The following PWP1 variants were observed in gnomAD, a reference collection of about 807,000 sequenced individuals.
PWP1 encodes PWP1 homolog, endonuclein, also known as periodic tryptophan protein 1 homolog.
A neutral mutation model predicts 69.9 loss-of-function variants in PWP1; 47 were observed. The observed-to-expected ratio is 0.67, with a 90% CI of 0.53 to 0.86. PWP1 has a LOEUF of 0.86. Ranked by LOEUF, PWP1 falls within the 40% of genes least tolerant of loss-of-function variation. PWP1 has a pLI of 0.00. For missense variants in PWP1, 551 were observed against 608.8 expected (o/e 0.91, Z 1.00); for synonymous variants, 222 against 208.2 (o/e 1.07, Z -0.57).
intron 1 of PWP1, among the ~76,000 whole-genome samples, chr12:107,687,409 A>G (rs1158433468): frequency 6.6e-6 from 1 of 152,218 alleles, no homozygotes; most frequent in East Asian, 1.9e-4. Context: ...ACACTTGGGG[A>G]GGTTCAAAAA....
In PWP1 at chr12:107,689,178, G is replaced by A. The variant is rs142377319; in HGVS notation, c.319+376G>A. 5.9e-3 allele frequency among the ~76,000 whole-genome samples: 895 copies of A among 152,164 alleles called. 13 individuals carry two copies. The highest frequency in any genetic ancestry group is 0.02 in the African/African-American group (821 of 41,532). On this transcript the variant is annotated intron_variant, in intron 3 of 14. Coordinates refer to ENST00000412830, the MANE Select transcript of PWP1 (RefSeq NM_007062.3). ...AATACAGTAGTCCCCCCTTATCCAC[G>A]GTTTTGCTTTCTTCGGTTTCAGTTA...
chr12:107,695,045 G>GGAGAT (rs1889555656), intron 5 of PWP1, among the ~76,000 whole-genome samples: 3 of 151,466 alleles, frequency 2.0e-5, no homozygotes. Flanking sequence ...CACGAGTTCA[G>GGAGAT]GAGATCGAGA....
chr12:107,703,637 GA>G, intron 9 of PWP1, 47 bp from the exon 10 acceptor site: 5 of 1,510,000 alleles, frequency 3.3e-6, no homozygotes, highest in Non-Finnish European at 4.6e-6. Flanking sequence ...GTAATTTTAC[GA>G]AAAGCAAACC....
intron 5 of PWP1, among the ~76,000 whole-genome samples, chr12:107,694,563 T>G (rs1361742422): frequency 1.3e-5 from 2 of 152,248 alleles, no homozygotes; most frequent in Non-Finnish European, 2.9e-5. Flanking sequence ...GCAGGCACTT[T>G]AATGTGAAAT....
intron 13 of PWP1, 151 bp from the exon 14 acceptor site, chr12:107,710,254 G>A: frequency 7.8e-7 from 1 of 1,280,328 alleles, no homozygotes; most frequent in Non-Finnish European, 1.0e-6. Flanking sequence ...ACTTGACTCT[G>A]AGCTACCTTT....
intron 5 of PWP1, among the ~76,000 whole-genome samples, chr12:107,694,704 C>A (rs969220597): frequency 6.6e-6 from 1 of 152,024 alleles, no homozygotes; most frequent in Admixed American, 6.6e-5. Context: ...TTGTCATCAT[C>A]GATTTTTTTA....
intron 11 of PWP1, 27 bp downstream of exon 11, chr12:107,704,774 C>T (rs536314126): frequency 6.3e-7 from 1 of 1,576,636 alleles, no homozygotes; most frequent in South Asian, 1.1e-5. Context: ...TGTTGTTTTG[C>T]TTTTCTAGGT....
intron 11 of PWP1, among the ~76,000 whole-genome samples, chr12:107,706,639 C>T (rs1889830151): frequency 6.6e-6 from 1 of 152,166 alleles, no homozygotes; most frequent in Admixed American, 6.5e-5. Flanking sequence ...TTTCCCAGCA[C>T]CATTTATTAA....
At chr12:107,710,899 T>G (rs1022620347) in intron 14 of PWP1, among the ~76,000 whole-genome samples, 10 of 152,212 alleles carry the variant, frequency 6.6e-5, no homozygotes, top group African/African-American at 2.4e-4. Context: ...CTTCACACTT[T>G]TAAGTGTAGA....
chr12:107,686,142 G>C (rs1889359821), intron 1 of PWP1, 171 bp downstream of exon 1: 2 of 698,516 alleles, frequency 2.9e-6, no homozygotes, highest in East Asian at 2.7e-5. Flanking sequence ...CAGAAGGTCT[G>C]GTTCGCCTGA....
intron 5 of PWP1, among the ~76,000 whole-genome samples, chr12:107,693,968 A>G (rs145343270): frequency 5.3e-5 from 8 of 152,226 alleles, no homozygotes; most frequent in Admixed American, 2.0e-4. Context: ...GAACCAAAAC[A>G]TCGTGATCAC....
rs1483290645 is a variant in PWP1 at position 107,712,718 on chromosome 12, T to TTGA, written c.*500_*502dup. Reference sequence around the variant, plus strand: ...GTATTCTCAGTGCAACTCGTAGAGTTTGATAAGTAAAAGTTACATGCCCCT... The same window carrying TTGA: ...GTATTCTCAGTGCAACTCGTAGAGTTTGATGATAAGTAAAAGTTACATGCCCCT... On this transcript the variant is annotated 3_prime_UTR_variant, in exon 15 of 15. Coordinates refer to ENST00000412830, the MANE Select transcript of PWP1 (RefSeq NM_007062.3). The TTGA allele has an allele frequency of 2.0e-5, 3 of 152,686 alleles. No individual in the cohort carries two copies. The highest frequency in any genetic ancestry group is 4.8e-5 in the African/African-American group (2 of 41,470). The allele number at this position is 152,686 out of a possible 1,614,324, so 9.5% of individuals were successfully genotyped here.
rs1205286082 is a variant in PWP1 at position 107,685,860 on chromosome 12, A to C, written c.-40A>C. On this transcript the variant is annotated 5_prime_UTR_variant, in exon 1 of 15. Coordinates refer to ENST00000412830, the MANE Select transcript of PWP1 (RefSeq NM_007062.3). ...GTGCGGTCGTGGTCCCTCCCTATGC[A>C]GCCTGGTTTCTAGCGTGACACGCCC... is the stretch of plus-strand genomic sequence containing the variant. The C allele has an allele frequency of 6.2e-6, 10 of 1,610,686 alleles. No homozygotes were observed. Among genetic ancestry groups the C allele is most frequent in the Non-Finnish European group, 7.6e-6 (9 of 1,177,448 alleles).
intron 5 of PWP1, 68 bp downstream of exon 5, chr12:107,693,164 AT>A (rs1356536961): frequency 6.6e-7 from 1 of 1,526,222 alleles, no homozygotes; most frequent in Non-Finnish European, 8.8e-7. Context: ...AATAGTTACC[AT>A]TTCATTTTTA....
intron 1 of PWP1, chr12:107,686,225 G>A (rs1034485486): frequency 1.1e-5 from 6 of 561,488 alleles, no homozygotes; most frequent in African/African-American, 7.5e-5. Flanking sequence ...AAATTCGCAC[G>A]CACATGGACT....
At chr12:107,697,345 A>C (rs890900059) in intron 6 of PWP1, 122 bp from the exon 7 acceptor site, 1 of 965,836 alleles carries the variant, frequency 1.0e-6, no homozygotes, top group Non-Finnish European at 1.4e-6. Flanking sequence ...CCGCATATGC[A>C]TATAAGTTTG....
intron 8 of PWP1, 78 bp from the exon 9 acceptor site, chr12:107,702,857 T>G (rs991452721): frequency 2.3e-6 from 2 of 882,416 alleles, no homozygotes; most frequent in Non-Finnish European, 3.8e-6. Context: ...CTGATGCTAT[T>G]GTAAATGCAA....
At chr12:107,696,992 T>C (rs1466006461) in intron 6 of PWP1, among the ~76,000 whole-genome samples, 2 of 152,236 alleles carry the variant, frequency 1.3e-5, no homozygotes, top group Non-Finnish European at 2.9e-5. Context: ...TAGGTTTTCA[T>C]GTTAGTCTTT....
rs1889928150 is a variant in PWP1, at chr12:107,710,486, T to G, written c.1372T>G (p.Trp458Gly). ...FGGQKEGLRV[W>G]DISTVSSVNE... ...AGGTCAAAAAGAAGGGCTTCGGGTC[T>G]GGGATATAAGCACAGTCTCTTCAGG... The change falls in exon 14 of 15, where the codon TGG becomes GGG. Residue 458 changes from tryptophan to glycine, a missense_variant. By Grantham distance (184) the Trp-to-Gly change is radical. Coordinates refer to ENST00000412830, the MANE Select transcript of PWP1 (RefSeq NM_007062.3). The G allele has an allele frequency of 1.2e-6, 2 of 1,609,100 alleles. No homozygotes were observed. Among genetic ancestry groups the G allele is most frequent in the South Asian group, 2.2e-5 (2 of 90,998 alleles).
Sources: allele counts gnomAD v4.1 joint callset (sites outside exome capture counted in the v4.1 genomes callset), GRCh38; gene constraint gnomAD v4.1.1; transcripts MANE v1.5; gene names NCBI Gene and HGNC (gene_info 2026-07-23, HGNC 2026-07-21).